The following KAZN variants were observed in gnomAD, a reference collection of about 807,000 sequenced individuals.
KAZN encodes the protein kazrin, periplakin interacting protein.
In KAZN, 40 loss-of-function variants were observed where a neutral mutation model predicts 87.4. That is an observed-to-expected ratio of 0.46 (90% CI 0.36 to 0.60). KAZN has a LOEUF of 0.60. Ranked by LOEUF, KAZN falls within the 20% of genes least tolerant of loss-of-function variation. The probability of loss-of-function intolerance (pLI) is 0.00; values close to 1 mark genes in which losing one functional copy is unlikely to be tolerated. For synonymous variants in KAZN, 466 were observed against 458.3 expected, an observed-to-expected ratio of 1.02 and a Z score of -0.22; for missense variants, 898 against 1,073.9, an observed-to-expected ratio of 0.84 and a Z score of 2.29.
At chr1:15,088,680 G>C (rs1464510103) in intron 8 of KAZN, among the ~76,000 whole-genome samples, 3 of 152,026 alleles carry the variant, frequency 2.0e-5, no homozygotes, top group Non-Finnish European at 4.4e-5. Flanking sequence ...TTTGGAAACT[G>C]CCTTTAATTA....
At chr1:14,514,782 C>T (rs1671216048) in intron 2 of KAZN, among the ~76,000 whole-genome samples, 1 of 151,092 alleles carries the variant, frequency 6.6e-6, no homozygotes, top group African/African-American at 2.4e-5. Flanking sequence ...CTTCCTGAGC[C>T]CCCTTCCTGA....
chr1:14,957,887 G>T (rs1049359544), intron 1 of KAZN, among the ~76,000 whole-genome samples: 1 of 152,218 alleles, frequency 6.6e-6, no homozygotes, highest in Non-Finnish European at 1.5e-5. Context: ...TCGGGCTTCT[G>T]TGGGGAGGAA....
chr1:14,099,057 C>T (rs1644190239), intron 1 of KAZN, among the ~76,000 whole-genome samples: 1 of 152,114 alleles, frequency 6.6e-6, no homozygotes. Flanking sequence ...TATCTTTGTT[C>T]AGTGTTCTAC....
intron 1 of KAZN, among the ~76,000 whole-genome samples, chr1:14,650,392 TA>T (rs1638288136): frequency 6.6e-6 from 1 of 152,020 alleles, no homozygotes; most frequent in Admixed American, 6.6e-5. Context: ...TCACCTCTAC[TA>T]AAAATTAAAA....
chr1:13,979,629 G>A (rs1015369468), intron 1 of KAZN, among the ~76,000 whole-genome samples: 1 of 152,190 alleles, frequency 6.6e-6, no homozygotes, highest in African/African-American at 2.4e-5. Flanking sequence ...GTAATACCGT[G>A]TAGAACTTAA....
At chr1:14,836,905 G>A (rs111318329) in intron 1 of KAZN, among the ~76,000 whole-genome samples, 5,917 of 152,146 alleles carry the variant, frequency 0.039, 143 homozygotes, top group Middle Eastern at 0.071. Context: ...AAACTAATGA[G>A]CCCTGCTGAG....
chr1:14,838,284 G>T lies in KAZN; in HGVS notation c.227-122400G>T, dbSNP rs139314007. On this transcript the variant is annotated intron_variant, in intron 1 of 14. Transcript: ENST00000376030. ...CTAATCACTTCCTGAAGGCCCTACC[G>T]CTGTATACTATCACATTGATAAGTT... Among the ~76,000 whole-genome samples the T allele has an allele frequency of 5.8e-4, 89 of 152,272 alleles. No homozygotes were observed. The Middle Eastern group carries it at 0.01, about 17-fold the overall frequency.
chr1:14,435,764 G>T (rs1456533137), intron 2 of KAZN, among the ~76,000 whole-genome samples: 1 of 152,104 alleles, frequency 6.6e-6, no homozygotes, highest in South Asian at 2.1e-4. Context: ...CGATATCTTC[G>T]AATGGGGATG....
chr1:14,599,264 G>T lies in KAZN; in HGVS notation c.226+41G>T, dbSNP rs1676755395. On this transcript the variant is annotated intron_variant, in intron 1 of 14. Coordinates refer to ENST00000376030, the MANE Select transcript of KAZN (RefSeq NM_201628.3). This position sits in a 1 kb window ranked among gnomAD's most constrained non-coding sequence, Gnocchi z 4.4. ...CGCCCAGGGCGGAGGAAGGCGAGCAGAGCACGCCCGGCCTCGGAGGTGGCC... is the reference window on the plus strand; with the variant it reads ...CGCCCAGGGCGGAGGAAGGCGAGCATAGCACGCCCGGCCTCGGAGGTGGCC... 1 of 1,310,006 alleles carries T rather than the reference G, an allele frequency of 7.6e-7. No individual in the cohort carries two copies. Among genetic ancestry groups the T allele is most frequent in the East Asian group, 3.1e-5 (1 of 32,750 alleles). The allele number at this position is 1,310,006 out of a possible 1,614,324, so 81.1% of individuals were successfully genotyped here.
At chr1:15,062,246 G>C (rs2100540368) in intron 6 of KAZN, 1 of 152,650 alleles carries the variant, frequency 6.6e-6, no homozygotes, top group East Asian at 1.9e-4. Context: ...TGATAAGCCA[G>C]TTGTCTGCAT....
intron 1 of KAZN, among the ~76,000 whole-genome samples, chr1:14,026,059 C>T (rs2359907): frequency 0.72 from 109,272 of 151,922 alleles, 40,078 homozygotes; most frequent in South Asian, 0.84. Flanking sequence ...AAAACTCTAT[C>T]TGAGGAAGTG....
intron 1 of KAZN, among the ~76,000 whole-genome samples, chr1:14,783,881 G>A (rs1572472520): frequency 6.6e-6 from 1 of 152,134 alleles, no homozygotes; most frequent in Non-Finnish European, 1.5e-5. Flanking sequence ...CAGAGAGACT[G>A]CGATGAATAG....
chr1:14,797,807 C>T (rs1432086765), intron 1 of KAZN, among the ~76,000 whole-genome samples: 1 of 152,202 alleles, frequency 6.6e-6, no homozygotes, highest in Non-Finnish European at 1.5e-5. Flanking sequence ...CAGCATGTCT[C>T]TTTCATTGAG....
chr1:15,066,518 G>A lies in KAZN; in HGVS notation c.1222+765G>A, dbSNP rs1004108228. ...AGAGGTCAAACCGGCTCTTTTAAACGGCCTACCAGTTTTTAAATTGCATTG... is the reference window on the plus strand; with the variant it reads ...AGAGGTCAAACCGGCTCTTTTAAACAGCCTACCAGTTTTTAAATTGCATTG... On this transcript the variant is annotated intron_variant, in intron 8 of 14. Transcript: ENST00000376030. The surrounding 1 kb of genome is among the most constrained non-coding windows in gnomAD (Gnocchi z 4.3). 2.5e-5 allele frequency: 25 copies of A among 985,246 alleles called. No individual in the cohort carries two copies. Among genetic ancestry groups the A allele is most frequent in the Admixed American group, 1.2e-4 (2 of 16,280 alleles). 61.0% of individuals were successfully genotyped at this position (985,246 alleles called of 1,614,324 possible).
At chr1:14,983,824 C>G (rs1244502594) in intron 2 of KAZN, among the ~76,000 whole-genome samples, 1 of 152,054 alleles carries the variant, frequency 6.6e-6, no homozygotes, top group Non-Finnish European at 1.5e-5. Flanking sequence ...CTTCTGTAAT[C>G]CCAACTACTC....
intron 2 of KAZN, among the ~76,000 whole-genome samples, chr1:14,293,409 C>T (rs1653864878): frequency 2.0e-5 from 3 of 152,184 alleles, no homozygotes; most frequent in Admixed American, 2.0e-4. Flanking sequence ...TCCTCTGCCT[C>T]TTATTCATCA....
chr1:14,940,865 T>C (rs537773205), intron 1 of KAZN, among the ~76,000 whole-genome samples: 2 of 140,114 alleles, frequency 1.4e-5, no homozygotes, highest in South Asian at 4.5e-4. Context: ...GCCAGGCAGG[T>C]GGAAATGACC....
chr1:14,417,486 G>T (rs1048749450), intron 2 of KAZN, among the ~76,000 whole-genome samples: 7 of 152,162 alleles, frequency 4.6e-5, no homozygotes, highest in African/African-American at 1.7e-4. Context: ...AGTCTACAAT[G>T]TATTTGTCCA....
chr1:13,928,886 C>T (rs889023281), intron 1 of KAZN, among the ~76,000 whole-genome samples: 12 of 151,142 alleles, frequency 7.9e-5, no homozygotes, highest in Admixed American at 5.3e-4. Flanking sequence ...GGAGAAAGAG[C>T]TCTAACAGGC....
Sources: allele counts gnomAD v4.1 joint callset (sites outside exome capture counted in the v4.1 genomes callset), GRCh38; gene constraint gnomAD v4.1.1; non-coding constraint Gnocchi (gnomAD v3.1); transcripts MANE v1.5; gene names NCBI Gene and HGNC (gene_info 2026-07-23, HGNC 2026-07-21).